The following PLLP variants were observed in gnomAD, a reference collection of about 807,000 sequenced individuals.
PLLP encodes the protein plasma membrane proteolipid (plasmolipin).
Under a neutral mutation model 19.7 loss-of-function variants are expected in PLLP, and 15 were observed. The ratio of observed to expected loss-of-function variants is 0.76; its 90% CI spans 0.51 to 1.17. PLLP has a LOEUF of 1.17. Ranked by LOEUF, PLLP falls within the 50% of genes most tolerant of loss-of-function variation. PLLP has a pLI of 0.00. For synonymous variants in PLLP, 111 were observed against 116.3 expected (o/e 0.95, Z 0.29); for missense variants, 255 against 258.3 (o/e 0.99, Z 0.09).
At chr16:57,274,961 C>T (rs1901130092) in intron 1 of PLLP, among the ~76,000 whole-genome samples, 1 of 151,920 alleles carries the variant, frequency 6.6e-6, no homozygotes, top group South Asian at 2.1e-4. Context: ...CGGGGTTTCA[C>T]CGTGTTAGCC....
At chr16:57,278,652 A>G (rs1901182856) in intron 1 of PLLP, among the ~76,000 whole-genome samples, 1 of 152,182 alleles carries the variant, frequency 6.6e-6, no homozygotes, top group African/African-American at 2.4e-5. Context: ...TGCTCTGTGC[A>G]GTGGAGCTGG....
chr16:57,262,157 C>T (rs902618771), intron 1 of PLLP, 87 bp from the exon 2 acceptor site: 66 of 1,335,618 alleles, frequency 4.9e-5, no homozygotes, highest in Non-Finnish European at 6.6e-5. Flanking sequence ...CACAGTGGCT[C>T]ATGCCTGTAA....
At chr16:57,263,715 C>A (rs1304641239) in intron 1 of PLLP, among the ~76,000 whole-genome samples, 1 of 150,650 alleles carries the variant, frequency 6.6e-6, no homozygotes, top group African/African-American at 2.5e-5. Flanking sequence ...GCCTCCCCAG[C>A]CCCTCCTACC....
chr16:57,267,751 T>C (rs2075462046), intron 1 of PLLP, among the ~76,000 whole-genome samples: 1 of 150,674 alleles, frequency 6.6e-6, no homozygotes, highest in South Asian at 2.1e-4. Context: ...TGGTGGCATG[T>C]GCCTGTAATC....
At chr16:57,281,114 T>C (rs1204062272) in intron 1 of PLLP, among the ~76,000 whole-genome samples, 1 of 152,206 alleles carries the variant, frequency 6.6e-6, no homozygotes, top group Non-Finnish European at 1.5e-5. Flanking sequence ...CAAGAGCTCC[T>C]GGAAAGCAGG....
Position 57,261,668 on chromosome 16 carries a change from C to T in PLLP, c.309+229G>A, listed in dbSNP as rs537224214. 2.6e-5 allele frequency among the ~76,000 whole-genome samples: 4 copies of T among 152,184 alleles called. No individual in the cohort carries two copies. In the South Asian group the frequency reaches 8.3e-4, roughly 32 times the overall value. ...CCCAGGGGTTCAAGGCTGCAGTGAG[C>T]CATTATTGAGCCACTGCACTCCAGC... is the stretch of plus-strand genomic sequence containing the variant. On this transcript the variant is annotated intron_variant, in intron 2 of 3. Coordinates refer to ENST00000219207, the MANE Select transcript of PLLP (RefSeq NM_015993.3).
chr16:57,257,206 C>A lies in PLLP; in HGVS notation c.433-177G>T, dbSNP rs111854246. Among the ~76,000 whole-genome samples the A allele has an allele frequency of 6.6e-5, 10 of 152,312 alleles. 1 individual carries two copies. The South Asian group carries it at 2.1e-3, about 32-fold the overall frequency. On this transcript the variant is annotated intron_variant, in intron 3 of 3. Transcript: ENST00000219207. ...GAGCACCAGGGTCCTGGGATACCAA[C>A]ATTACCTTCTAACCATGGGAAACAG...
intron 1 of PLLP, among the ~76,000 whole-genome samples, chr16:57,265,928 G>A (rs1434005387): frequency 6.6e-6 from 1 of 152,174 alleles, no homozygotes; most frequent in Non-Finnish European, 1.5e-5. Flanking sequence ...TTGGGAAGCT[G>A]AGGTGGAGGA....
intron 2 of PLLP, among the ~76,000 whole-genome samples, chr16:57,261,685 C>T (rs577180883): frequency 6.6e-6 from 1 of 152,262 alleles, no homozygotes; most frequent in East Asian, 1.9e-4. Flanking sequence ...TGAGCCACTG[C>T]ACTCCAGCCT....
intron 1 of PLLP, among the ~76,000 whole-genome samples, chr16:57,283,050 C>G (rs911426302): frequency 2.0e-5 from 3 of 152,088 alleles, no homozygotes; most frequent in Admixed American, 1.3e-4. Flanking sequence ...TAAATGATTC[C>G]AGGAACTAGA....
At chr16:57,258,690 A>G in intron 2 of PLLP, 106 bp from the exon 3 acceptor site, 1 of 1,127,850 alleles carries the variant, frequency 8.9e-7, no homozygotes. Context: ...GCGGGGCTGA[A>G]GTGGAAGGAT....
chr16:57,258,359 C>A, intron 3 of PLLP, 103 bp downstream of exon 3: 1 of 1,215,236 alleles, frequency 8.2e-7, no homozygotes, highest in Non-Finnish European at 1.2e-6. Flanking sequence ...AGGTGACAAC[C>A]CCTCAGGAGG....
intron 1 of PLLP, among the ~76,000 whole-genome samples, chr16:57,280,757 T>TA (rs2146451995): frequency 6.6e-6 from 1 of 152,366 alleles, no homozygotes; most frequent in South Asian, 2.1e-4. Context: ...TCTTCTGTCT[T>TA]ATGTGGTTTA....
At chr16:57,275,329 A>T (rs988273285) in intron 1 of PLLP, among the ~76,000 whole-genome samples, 11 of 152,128 alleles carry the variant, frequency 7.2e-5, no homozygotes, top group Admixed American at 1.3e-4. Flanking sequence ...CATTGTACAG[A>T]TGTATCATAA....
At chr16:57,257,497 T>C (rs116312279) in intron 3 of PLLP, among the ~76,000 whole-genome samples, 2,094 of 152,348 alleles carry the variant, frequency 0.014, 43 homozygotes, top group African/African-American at 0.048. Context: ...TGCGTGCCCA[T>C]TGAGGCCCTG....
In PLLP at chr16:57,256,537, C is replaced by T. The variant is rs1416425646; in HGVS notation, c.*376G>A. 9.3e-6 allele frequency: 2 copies of T among 216,174 alleles called. No homozygotes were observed. Among genetic ancestry groups the T allele is most frequent in the East Asian group, 1.0e-4 (1 of 9,742 alleles). The allele number at this position is 216,174 out of a possible 1,614,324, so 13.4% of individuals were successfully genotyped here. On this transcript the variant is annotated 3_prime_UTR_variant, in exon 4 of 4. Coordinates refer to ENST00000219207, the MANE Select transcript of PLLP (RefSeq NM_015993.3). ...GTTGCTTGTTAGGCTTATACTACGG[C>T]GGGTCTGGGGCTGCAGGTCTGGAGT...
chr16:57,284,476 G>A lies in PLLP; in HGVS notation c.65C>T (p.Ser22Leu), dbSNP rs760532096. The A allele has an allele frequency of 1.1e-5, 16 of 1,437,318 alleles. No individual in the cohort carries two copies. Among genetic ancestry groups the A allele is most frequent in the Non-Finnish European group, 1.5e-5 (16 of 1,091,252 alleles). The allele number at this position is 1,437,318 out of a possible 1,614,324, so 89.0% of individuals were successfully genotyped here. ...TSSPAQGAEASVSALRPDLGF... is the reference protein window; with the variant it reads ...TSSPAQGAEALVSALRPDLGF... ...CAGGTCCGGGCGCAGCGCCGACACC[G>A]AGGCTTCGGCGCCCTGCGCAGGACT... The change falls in exon 1 of 4, where the codon TCG becomes TTG. Residue 22 changes from serine to leucine, a missense_variant. Ser to Leu is a moderately radical substitution (Grantham distance 145). Transcript: ENST00000219207.
At chr16:57,262,159 T>C in intron 1 of PLLP, 89 bp from the exon 2 acceptor site, 1 of 1,299,782 alleles carries the variant, frequency 7.7e-7, no homozygotes, top group Non-Finnish European at 1.1e-6. Flanking sequence ...CAGTGGCTCA[T>C]GCCTGTAATG....
intron 1 of PLLP, among the ~76,000 whole-genome samples, chr16:57,266,206 C>T (rs903415384): frequency 2.6e-5 from 4 of 152,148 alleles, no homozygotes; most frequent in Non-Finnish European, 5.9e-5. Flanking sequence ...CATCCCTGCC[C>T]CGCCCTGTGC....
Sources: gnomAD v4.1 joint callset for allele counts (sites outside exome capture counted in the v4.1 genomes callset) on GRCh38, gnomAD v4.1.1 for gene constraint, MANE v1.5 for transcripts, NCBI Gene and HGNC (gene_info 2026-07-23, HGNC 2026-07-21) for gene names.